Variants in HOMER1 observed in about 807,000 individuals in gnomAD.
HOMER1 encodes homer protein homolog 1.
A neutral mutation model predicts 48.9 loss-of-function variants in HOMER1; 3 were observed. The ratio of observed to expected loss-of-function variants is 0.06; its 90% confidence interval spans 0.03 to 0.16. HOMER1 has a LOEUF of 0.16. Among genes scored for constraint, HOMER1 ranks in the 10% least tolerant of loss-of-function variants. HOMER1 has a pLI of 1.00. For synonymous variants in HOMER1, 134 were observed against 146.4 expected, an observed-to-expected ratio of 0.92 and a Z score of 0.61; for missense variants, 247 against 411.4, an observed-to-expected ratio of 0.60 and a Z score of 3.46.
At chr5:79,503,400 T>C (rs556899475) in intron 1 of HOMER1, among the ~76,000 whole-genome samples, 2 of 151,194 alleles carry the variant, frequency 1.3e-5, no homozygotes, top group South Asian at 2.1e-4. Context: ...CTTGGCAGCA[T>C]GCGCCTGTAA....
At position 79,375,775 on chromosome 5, in the gene HOMER1, A is replaced by G; in HGVS notation, c.*234T>C. 2.7e-6 allele frequency: 1 copy of G among 367,126 alleles called. No homozygotes were observed. Among genetic ancestry groups the G allele is most frequent in the Non-Finnish European group, 4.9e-6 (1 of 206,056 alleles). 22.7% of individuals were successfully genotyped at this position (367,126 alleles called of 1,614,324 possible). The stretch of plus-strand genomic sequence containing the variant: ...TAGTTAACTATGGCCAATAATATAC[A>G]TGGAGGTAATTTGTAGTTCAAGTTT... On this transcript the variant is annotated 3_prime_UTR_variant, in exon 9 of 9. Transcript: ENST00000334082.
intron 5 of HOMER1, among the ~76,000 whole-genome samples, chr5:79,422,020 A>G (rs1750114908): frequency 6.6e-6 from 1 of 152,178 alleles, no homozygotes; most frequent in South Asian, 2.1e-4. Context: ...TGAGGTCAGG[A>G]GTTCGAGACC....
chr5:79,417,342 C>G (rs1749972620), intron 5 of HOMER1, among the ~76,000 whole-genome samples: 1 of 152,126 alleles, frequency 6.6e-6, no homozygotes, highest in South Asian at 2.1e-4. Context: ...CGGGGTTTCA[C>G]CGTGTTAGCC....
intron 5 of HOMER1, among the ~76,000 whole-genome samples, chr5:79,410,698 G>GA (rs372881437): frequency 0.17 from 24,951 of 143,798 alleles, 2,165 homozygotes; most frequent in South Asian, 0.25. Flanking sequence ...CATTAATTTT[G>GA]AAAAAAAAAA....
intron 1 of HOMER1, chr5:79,510,518 TACG>T (rs1381140597): frequency 5.5e-6 from 4 of 729,398 alleles, no homozygotes; most frequent in Non-Finnish European, 1.0e-5. Context: ...AGCACAAAGA[TACG>T]AATCTCTTAA....
chr5:79,456,752 T>C, intron 2 of HOMER1, 110 bp downstream of exon 2: 2 of 987,062 alleles, frequency 2.0e-6, no homozygotes, highest in South Asian at 2.2e-5. Context: ...TTTTAAGAAC[T>C]CAAAAGGAAA....
chr5:79,424,354 T>C (rs896290974), intron 5 of HOMER1, among the ~76,000 whole-genome samples: 3 of 152,014 alleles, frequency 2.0e-5, no homozygotes, highest in Admixed American at 2.0e-4. Flanking sequence ...ACTTTAGCTT[T>C]TCTTTAATTG....
Position 79,505,361 on chromosome 5 carries a change from G to A in HOMER1, c.5+7409C>T, listed in dbSNP as rs534435575. Among the ~76,000 whole-genome samples the A allele has an allele frequency of 4.6e-5, 7 of 152,318 alleles. No individual in the cohort carries two copies. In the South Asian group the frequency reaches 1.0e-3, roughly 23 times the overall value. On this transcript the variant is annotated intron_variant, in intron 1 of 8. Transcript: ENST00000334082. Reference sequence around the variant, plus strand: ...TCCTCTACAGGCCTCTGGACTCTGAGGCATGTGACCACATGGATCCAGACA... The same window carrying A: ...TCCTCTACAGGCCTCTGGACTCTGAAGCATGTGACCACATGGATCCAGACA...
chr5:79,379,111 TA>T (rs2093867892), intron 8 of HOMER1, among the ~76,000 whole-genome samples: 2 of 94,724 alleles, frequency 2.1e-5, no homozygotes, highest in African/African-American at 9.0e-5. Flanking sequence ...TATATATATA[TA>T]TAAAATATAT....
intron 8 of HOMER1, among the ~76,000 whole-genome samples, chr5:79,389,553 A>G (rs1339943444): frequency 6.6e-6 from 1 of 152,174 alleles, no homozygotes; most frequent in East Asian, 1.9e-4. Flanking sequence ...CTTATAAAAG[A>G]GGTTTCCCCT....
intron 8 of HOMER1, among the ~76,000 whole-genome samples, chr5:79,378,833 T>C (rs1411766261): frequency 6.6e-6 from 1 of 151,616 alleles, no homozygotes; most frequent in Non-Finnish European, 1.5e-5. Flanking sequence ...AAACACAAAA[T>C]TCCCTCAGCT....
intron 1 of HOMER1, among the ~76,000 whole-genome samples, chr5:79,461,936 C>T (rs1377684957): frequency 5.9e-5 from 9 of 152,274 alleles, no homozygotes; most frequent in East Asian, 3.9e-4. Flanking sequence ...CAGTGGCTCA[C>T]GCCTGTAATC....
intron 1 of HOMER1, among the ~76,000 whole-genome samples, chr5:79,467,344 T>C (rs554393039): frequency 6.8e-4 from 97 of 142,844 alleles, no homozygotes; most frequent in African/African-American, 2.5e-3. Flanking sequence ...TGAGCCGAGA[T>C]TGCACCATTG....
At chr5:79,404,476 G>T (rs1279001403) in intron 5 of HOMER1, among the ~76,000 whole-genome samples, 1 of 152,150 alleles carries the variant, frequency 6.6e-6, no homozygotes, top group Non-Finnish European at 1.5e-5. Flanking sequence ...AAATAGATCA[G>T]TCAAGATCTG....
At chr5:79,494,118 T>C (rs1752359144) in intron 1 of HOMER1, among the ~76,000 whole-genome samples, 1 of 152,216 alleles carries the variant, frequency 6.6e-6, no homozygotes, top group Non-Finnish European at 1.5e-5. Context: ...CTGACAGCTT[T>C]CTCAGCTGCC....
intron 1 of HOMER1, chr5:79,510,385 G>A (rs1752908035): frequency 3.5e-6 from 2 of 573,994 alleles, no homozygotes; most frequent in Admixed American, 2.2e-5. Flanking sequence ...AATTCATCCT[G>A]TCTCTTCAGA....
chr5:79,455,168 C>G (rs2112300029), intron 2 of HOMER1, among the ~76,000 whole-genome samples: 1 of 151,554 alleles, frequency 6.6e-6, no homozygotes, highest in Admixed American at 6.6e-5. Flanking sequence ...AACTCCTGGT[C>G]TCAAGTGATC....
At chr5:79,463,404 C>G (rs1039028985) in intron 1 of HOMER1, among the ~76,000 whole-genome samples, 32 of 152,090 alleles carry the variant, frequency 2.1e-4, no homozygotes, top group Admixed American at 6.6e-4. Flanking sequence ...CTAAAGAAAC[C>G]CTTAGTGCTG....
intron 1 of HOMER1, among the ~76,000 whole-genome samples, chr5:79,472,645 T>C (rs1751654542): frequency 6.6e-6 from 1 of 151,680 alleles, no homozygotes; most frequent in Non-Finnish European, 1.5e-5. Flanking sequence ...CCAGACACGA[T>C]GGTACATGCC....
Sources: allele counts gnomAD v4.1 joint callset (sites outside exome capture counted in the v4.1 genomes callset), GRCh38; gene constraint gnomAD v4.1.1; transcripts MANE v1.5; gene names NCBI Gene and HGNC (gene_info 2026-07-23, HGNC 2026-07-21).